Variants in RALGAPB observed in about 807,000 individuals in gnomAD.
RALGAPB encodes ral GTPase-activating protein subunit beta.
A neutral mutation model predicts 161.1 loss-of-function variants in RALGAPB; 25 were observed. The observed-to-expected ratio is 0.16, with a 90% CI of 0.11 to 0.22. RALGAPB has a LOEUF of 0.22. RALGAPB is among the 10% of genes least tolerant of loss of function. The pLI is 1.00. For missense variants in RALGAPB, 1,391 were observed against 1,815.2 expected, an observed-to-expected ratio of 0.77 and a Z score of 4.25; for synonymous variants, 629 against 626.1, an observed-to-expected ratio of 1.00 and a Z score of -0.07.
At chr20:38,496,151 G>A (rs780207356) in intron 3 of RALGAPB, among the ~76,000 whole-genome samples, 2 of 151,772 alleles carry the variant, frequency 1.3e-5, no homozygotes, top group Non-Finnish European at 2.9e-5. Flanking sequence ...ACATCTCCCC[G>A]CTCCTGGAGG....
chr20:38,507,422 GA>G (rs2085795159), intron 5 of RALGAPB, among the ~76,000 whole-genome samples: 1 of 152,004 alleles, frequency 6.6e-6, no homozygotes, highest in Non-Finnish European at 1.5e-5. Flanking sequence ...GCCCAGGCTG[GA>G]GTACAGTGGT....
intron 22 of RALGAPB, among the ~76,000 whole-genome samples, chr20:38,555,069 G>A (rs2087529848): frequency 6.6e-6 from 1 of 152,186 alleles, no homozygotes; most frequent in Non-Finnish European, 1.5e-5. Flanking sequence ...GGTTGACAGA[G>A]TGAGACCCTG....
At chr20:38,546,453 C>T (rs1455632887) in intron 19 of RALGAPB, 23 bp downstream of exon 19, 1 of 1,613,472 alleles carries the variant, frequency 6.2e-7, no homozygotes, top group Non-Finnish European at 8.5e-7. Context: ...TACTTTGAGC[C>T]TTCTCTACTG....
intron 24 of RALGAPB, among the ~76,000 whole-genome samples, chr20:38,564,902 C>A (rs953669837): frequency 6.6e-6 from 1 of 151,562 alleles, no homozygotes; most frequent in Admixed American, 6.6e-5. Flanking sequence ...CTCTTTTCCT[C>A]CTCCTCCTCC....
chr20:38,539,220 C>G (rs1406576511), intron 16 of RALGAPB, among the ~76,000 whole-genome samples: 1 of 152,156 alleles, frequency 6.6e-6, no homozygotes, highest in Non-Finnish European at 1.5e-5. Flanking sequence ...GACAGCAGAT[C>G]AGCAGTTGCT....
intron 21 of RALGAPB, among the ~76,000 whole-genome samples, chr20:38,552,688 T>G (rs2087419389): frequency 6.6e-6 from 1 of 152,030 alleles, no homozygotes; most frequent in African/African-American, 2.4e-5. Flanking sequence ...GGAGGGAAAT[T>G]GAAGAAGTTT....
At chr20:38,526,688 A>T (rs1196184940) in intron 13 of RALGAPB, among the ~76,000 whole-genome samples, 1 of 152,174 alleles carries the variant, frequency 6.6e-6, no homozygotes, top group African/African-American at 2.4e-5. Context: ...TTGTTTGCTT[A>T]AATGCTTAAA....
chr20:38,571,441 A>T (rs931723425), intron 28 of RALGAPB, among the ~76,000 whole-genome samples: 1 of 151,988 alleles, frequency 6.6e-6, no homozygotes, highest in Admixed American at 6.6e-5. Context: ...TTTATTTTAG[A>T]TTTGTCATAT....
At chr20:38,566,744 A>T (rs1033528213) in intron 25 of RALGAPB, among the ~76,000 whole-genome samples, 1 of 152,246 alleles carries the variant, frequency 6.6e-6, no homozygotes, top group African/African-American at 2.4e-5. Context: ...GGCATTTATT[A>T]TATTCTACAT....
chr20:38,525,800 C>G lies in RALGAPB; in HGVS notation c.1903-95C>G. 4 of 1,292,850 alleles carry G rather than the reference C, an allele frequency of 3.1e-6. No individual in the cohort carries two copies. The South Asian group carries it at 5.7e-5, about 18-fold the overall frequency. 80.1% of individuals were successfully genotyped at this position (1,292,850 alleles called of 1,614,324 possible). A position where few individuals can be genotyped will look rare whatever the true frequency, so the allele number is the denominator to read the frequency against. Reference sequence around the variant, plus strand: ...GGCTAATATTAGACTGAAAGCCTTTCTCATTATACTGATCCGTTCCTCCAT... The same window carrying G: ...GGCTAATATTAGACTGAAAGCCTTTGTCATTATACTGATCCGTTCCTCCAT... On this transcript the variant is annotated intron_variant, in intron 12 of 29. Coordinates refer to ENST00000262879, the MANE Select transcript of RALGAPB (RefSeq NM_020336.4).
chr20:38,512,516 G>GTTTTA (rs2123051355), intron 6 of RALGAPB, among the ~76,000 whole-genome samples: 1 of 152,342 alleles, frequency 6.6e-6, no homozygotes, highest in Admixed American at 6.5e-5. Context: ...ACGGCATGAT[G>GTTTTA]CCTAGTGCAT....
intron 21 of RALGAPB, among the ~76,000 whole-genome samples, 193 bp from the exon 22 acceptor site, chr20:38,553,674 G>A (rs1366926257): frequency 1.3e-5 from 2 of 151,198 alleles, no homozygotes; most frequent in Non-Finnish European, 2.9e-5. Flanking sequence ...GCTAGGTGCA[G>A]TGGGGCTCAT....
chr20:38,522,215 A>C (rs1716680417), intron 10 of RALGAPB, among the ~76,000 whole-genome samples: 1 of 152,354 alleles, frequency 6.6e-6, no homozygotes, highest in African/African-American at 2.4e-5. Flanking sequence ...TGGGGGATTA[A>C]ATGATTATGC....
chr20:38,513,373 A>G lies in RALGAPB; in HGVS notation c.873-2819A>G, dbSNP rs865833635. Among the ~76,000 whole-genome samples the G allele has an allele frequency of 1.6e-3, 240 of 151,788 alleles. 1 individual carries two copies. The highest frequency in any genetic ancestry group is 5.5e-3 in the African/African-American group (229 of 41,426). On this transcript the variant is annotated intron_variant, in intron 6 of 29. Coordinates refer to ENST00000262879, the MANE Select transcript of RALGAPB (RefSeq NM_020336.4). ...ACAAAAATTAGCTGGGTGTGGTGGC[A>G]CATGCCTGTAATCCCAGCTACTTGG...
intron 28 of RALGAPB, 99 bp downstream of exon 28, chr20:38,570,946 A>G (rs1723145351): frequency 1.3e-6 from 1 of 766,466 alleles, no homozygotes; most frequent in Non-Finnish European, 2.1e-6. Flanking sequence ...AGTTGTAGAC[A>G]ACTAGAAATA....
rs1043195545 is a variant in RALGAPB at position 38,567,286 on chromosome 20, T to C, written c.3954+54T>C. 20 of 1,578,422 alleles carry C rather than the reference T, an allele frequency of 1.3e-5. No homozygotes were observed. In the African/African-American group the frequency reaches 2.4e-4, roughly 19 times the overall value. On this transcript the variant is annotated intron_variant, in intron 26 of 29. Transcript: ENST00000262879. ...AATTTTGTAGTGAAATCAGGGTAAT[T>C]ATAGAATCCTGCCTGAAAAGCTTTT...
intron 13 of RALGAPB, among the ~76,000 whole-genome samples, chr20:38,530,134 A>G (rs956617848): frequency 6.6e-6 from 1 of 152,206 alleles, no homozygotes; most frequent in African/African-American, 2.4e-5. Flanking sequence ...GAACCATGGT[A>G]TGCAATTTAC....
rs1040719110 is a variant in RALGAPB, at chr20:38,578,275, A to G, written c.*3308A>G. 7 of 152,224 alleles carry G rather than the reference A, an allele frequency of 4.6e-5. No homozygotes were observed. Among genetic ancestry groups the G allele is most frequent in the Non-Finnish European group, 5.9e-5 (4 of 68,042 alleles). The allele number at this position is 152,224 out of a possible 1,614,324, so 9.4% of individuals were successfully genotyped here. On this transcript the variant is annotated 3_prime_UTR_variant, in exon 30 of 30. Coordinates refer to ENST00000262879, the MANE Select transcript of RALGAPB (RefSeq NM_020336.4). ...GAGTTGGAGAGATTGGAGGTGGTCT[A>G]TCCGTACGATGTGGAATCAAACGGT...
intron 23 of RALGAPB, among the ~76,000 whole-genome samples, chr20:38,560,045 C>T (rs1381293975): frequency 1.3e-5 from 2 of 151,984 alleles, no homozygotes; most frequent in Admixed American, 6.6e-5. Flanking sequence ...AATGTTTACA[C>T]TAGAAGCACT....
Sources: allele counts gnomAD v4.1 joint callset (sites outside exome capture counted in the v4.1 genomes callset), GRCh38; gene constraint gnomAD v4.1.1; transcripts MANE v1.5; gene names NCBI Gene and HGNC (gene_info 2026-07-23, HGNC 2026-07-21).